THOC7: variants seen among roughly 807,000 people sequenced by gnomAD.
THOC7 encodes the protein THO complex subunit 7.
Under a neutral mutation model 33.1 loss-of-function variants are expected in THOC7, and 22 were observed. The ratio of observed to expected loss-of-function variants is 0.66; its 90% CI spans 0.47 to 0.95. The LOEUF (loss-of-function observed/expected upper bound fraction) is 0.95. Among genes scored for constraint, THOC7 ranks in the 40% least tolerant of loss-of-function variants. The pLI is 0.00. For synonymous variants in THOC7, 77 were observed against 76.8 expected (o/e 1.00, Z -0.01); for missense variants, 184 against 245.3 (o/e 0.75, Z 1.67).
At chr3:63,847,994 A>C (rs1701936503) in intron 1 of THOC7, among the ~76,000 whole-genome samples, 1 of 152,224 alleles carries the variant, frequency 6.6e-6, no homozygotes, top group Admixed American at 6.5e-5. Context: ...ACAACTGACC[A>C]GCATGAACAT....
intron 7 of THOC7, among the ~76,000 whole-genome samples, chr3:63,834,643 G>A (rs1055154372): frequency 6.7e-6 from 1 of 149,994 alleles, no homozygotes; most frequent in Non-Finnish European, 1.5e-5. Flanking sequence ...CTGGGTGACA[G>A]AGCAAGACTG....
chr3:63,842,263 T>C (rs184651053), intron 1 of THOC7, among the ~76,000 whole-genome samples: 2 of 152,236 alleles, frequency 1.3e-5, no homozygotes, highest in East Asian at 3.9e-4. Context: ...CACAGTGAGA[T>C]ACTAGCTCAC....
At chr3:63,849,759 G>C (rs1701983531) in intron 1 of THOC7, among the ~76,000 whole-genome samples, 10 of 152,100 alleles carry the variant, frequency 6.6e-5, no homozygotes, top group Admixed American at 5.9e-4. Context: ...CATTGTTTTT[G>C]CTTTTCTTTT....
intron 1 of THOC7, among the ~76,000 whole-genome samples, chr3:63,841,894 G>C (rs1163188994): frequency 6.6e-6 from 1 of 152,110 alleles, no homozygotes; most frequent in Non-Finnish European, 1.5e-5. Context: ...TCCTTTGCTA[G>C]TCTTATCTGT....
chr3:63,834,034 C>T lies in THOC7; in HGVS notation c.*98G>A. 8.1e-7 allele frequency: 1 copy of T among 1,234,838 alleles called. No individual in the cohort carries two copies. The highest frequency in any genetic ancestry group is 1.1e-6 in the Non-Finnish European group (1 of 878,306). The allele number at this position is 1,234,838 out of a possible 1,614,324, so 76.5% of individuals were successfully genotyped here. Reference sequence around the variant, plus strand: ...TACTTAAAAACAGAGTATTTTACTGCCAAAACTTTAAATATCTCAAGAGCA... The same window carrying T: ...TACTTAAAAACAGAGTATTTTACTGTCAAAACTTTAAATATCTCAAGAGCA... On this transcript the variant is annotated 3_prime_UTR_variant, in exon 8 of 8. Coordinates refer to ENST00000295899, the MANE Select transcript of THOC7 (RefSeq NM_025075.4).
At position 63,835,194 on chromosome 3, in the gene THOC7, A is replaced by G. The variant is rs747215872; in HGVS notation, c.507T>C (p.Val169=). 9.9e-6 allele frequency: 16 copies of G among 1,613,748 alleles called. 1 individual carries two copies. In the South Asian group the frequency reaches 1.8e-4, roughly 18 times the overall value. ...GAAGTTCATGGATGGTACTAAGAAG[A>G]ACATGAAACTGTTTCCGTCTCAATT... The part of the protein sequence containing the change: ...KLELRRKQFH[V]LLSTIHELQQ... Residue 169 remains valine (V), a synonymous_variant, in exon 7 of 8, where the codon GTT becomes GTC. Coordinates refer to ENST00000295899, the MANE Select transcript of THOC7 (RefSeq NM_025075.4).
At chr3:63,842,739 T>C (rs1701794839) in intron 1 of THOC7, among the ~76,000 whole-genome samples, 1 of 151,942 alleles carries the variant, frequency 6.6e-6, no homozygotes, top group African/African-American at 2.4e-5. Context: ...AAAAACTACA[T>C]TGGGTACACT....
At chr3:63,835,303 G>T in intron 6 of THOC7, 21 bp downstream of exon 6, 1 of 1,613,202 alleles carries the variant, frequency 6.2e-7, no homozygotes, top group Non-Finnish European at 8.5e-7. Context: ...GATCATGAAG[G>T]CTAAATATAT....
intron 1 of THOC7, among the ~76,000 whole-genome samples, chr3:63,845,456 A>G (rs1025952228): frequency 1.3e-5 from 2 of 152,214 alleles, no homozygotes; most frequent in Admixed American, 6.5e-5. Flanking sequence ...GGTGACCAGC[A>G]TATGACCAGA....
At chr3:63,841,291 C>T (rs910759827) in intron 1 of THOC7, among the ~76,000 whole-genome samples, 4 of 152,072 alleles carry the variant, frequency 2.6e-5, no homozygotes, top group African/African-American at 9.7e-5. Flanking sequence ...CTTGTAATAG[C>T]GGTTATTTCT....
At chr3:63,838,974 T>A (rs1456488506) in intron 2 of THOC7, among the ~76,000 whole-genome samples, 1 of 152,212 alleles carries the variant, frequency 6.6e-6, no homozygotes, top group Non-Finnish European at 1.5e-5. Flanking sequence ...GCAGATCACT[T>A]AATGCTAGAA....
At chr3:63,863,119 A>G (rs929774693) in intron 1 of THOC7, 1 of 152,408 alleles carries the variant, frequency 6.6e-6, no homozygotes, top group Admixed American at 6.5e-5. Flanking sequence ...TTCCTTTTAT[A>G]AATAATTCCC....
chr3:63,845,023 A>G, intron 1 of THOC7: 1 of 699,084 alleles, frequency 1.4e-6, no homozygotes. Flanking sequence ...CTCTTGACAG[A>G]TGACCACAAA....
intron 1 of THOC7, among the ~76,000 whole-genome samples, chr3:63,860,309 T>A (rs1407061826): frequency 6.6e-6 from 1 of 152,158 alleles, no homozygotes; most frequent in African/African-American, 2.4e-5. Flanking sequence ...CATCCCAAAG[T>A]GCTAAGATTG....
chr3:63,863,727 A>T (rs1702302825), intron 1 of THOC7, 45 bp downstream of exon 1: 1 of 1,248,788 alleles, frequency 8.0e-7, no homozygotes. Context: ...GGGGAGGCCC[A>T]GCGGGCCGTG....
chr3:63,849,602 G>A (rs985053626), intron 1 of THOC7, among the ~76,000 whole-genome samples: 2 of 152,040 alleles, frequency 1.3e-5, no homozygotes, highest in East Asian at 1.9e-4. Flanking sequence ...TTTAAAAGAC[G>A]GCTATGTAGT....
chr3:63,845,147 A>G, intron 1 of THOC7: 1 of 627,504 alleles, frequency 1.6e-6, no homozygotes, highest in East Asian at 2.7e-5. Context: ...CTGAGGGTTA[A>G]GTCCCCCTCA....
At chr3:63,843,788 C>T (rs1029746280) in intron 1 of THOC7, among the ~76,000 whole-genome samples, 7 of 151,982 alleles carry the variant, frequency 4.6e-5, no homozygotes, top group Admixed American at 1.3e-4. Flanking sequence ...GTAGTCCCAG[C>T]TACTCAGAAG....
intron 1 of THOC7, chr3:63,863,409 C>T: frequency 9.4e-7 from 1 of 1,064,726 alleles, no homozygotes. Context: ...TAGACAAACC[C>T]GGACTCCCTC....
Sources: allele counts gnomAD v4.1 joint callset (sites outside exome capture counted in the v4.1 genomes callset), GRCh38; gene constraint gnomAD v4.1.1; transcripts MANE v1.5; gene names NCBI Gene and HGNC (gene_info 2026-07-23, HGNC 2026-07-21).